TECR: variants seen among roughly 807,000 people sequenced by gnomAD.
The protein encoded by TECR is trans-2,3-enoyl-CoA reductase, also known as very-long-chain enoyl-CoA reductase.
TECR carries 19 observed loss-of-function variants against 50.6 expected under a neutral mutation model. The ratio of observed to expected loss-of-function variants is 0.38; its 90% confidence interval spans 0.26 to 0.55. The LOEUF (loss-of-function observed/expected upper bound fraction) is 0.55, where lower values mean the gene tolerates loss of function less well. Among genes scored for constraint, TECR ranks in the 20% least tolerant of loss-of-function variants. TECR has a pLI of 0.79. For missense variants in TECR, 313 were observed against 408.3 expected (o/e 0.77, Z 2.01); for synonymous variants, 168 against 163.5 (o/e 1.03, Z -0.21).
chr19:14,548,337 C>G (rs148674874), intron 1 of TECR, among the ~76,000 whole-genome samples: 7 of 152,258 alleles, frequency 4.6e-5, no homozygotes, highest in African/African-American at 9.6e-5. Flanking sequence ...TTCCCCACCC[C>G]CTTGGTGGCA....
At chr19:14,551,917 C>T (rs1467543491) in intron 1 of TECR, among the ~76,000 whole-genome samples, 1 of 127,272 alleles carries the variant, frequency 7.9e-6, no homozygotes, top group African/African-American at 2.9e-5. Flanking sequence ...CTCTCCCCCT[C>T]CCTCCCTCCC....
intron 1 of TECR, among the ~76,000 whole-genome samples, chr19:14,557,330 G>A (rs953168026): frequency 1.3e-5 from 2 of 150,666 alleles, no homozygotes; most frequent in African/African-American, 2.4e-5. Flanking sequence ...TATTAGAGAC[G>A]GGGTTTCACC....
chr19:14,542,353 T>TTTTTTTTTG (rs1176734322), intron 1 of TECR, among the ~76,000 whole-genome samples: 1 of 77,896 alleles, frequency 1.3e-5, no homozygotes, highest in Non-Finnish European at 2.7e-5. Flanking sequence ...TAGTGTTTTT[T>TTTTTTTTTG]TTTTTTTTTT....
At position 14,548,735 on chromosome 19, in the gene TECR, G is replaced by A. The variant is rs57355074; in HGVS notation, c.16-13790G>A. On this transcript the variant is annotated intron_variant, in intron 1 of 12. Coordinates refer to ENST00000215567, the MANE Select transcript of TECR (RefSeq NM_138501.6). The stretch of plus-strand genomic sequence containing the variant: ...TGGGATTACAGGCACGCATCACCAC[G>A]TCTGGCTAATTTTTGTATTTTGGTA... Among the ~76,000 whole-genome samples the A allele has an allele frequency of 2.3e-3, 344 of 152,154 alleles. 1 individual carries two copies. Among genetic ancestry groups the A allele is most frequent in the African/African-American group, 4.6e-3 (190 of 41,556 alleles).
chr19:14,558,948 C>T (rs2073825307), intron 1 of TECR, among the ~76,000 whole-genome samples: 1 of 152,212 alleles, frequency 6.6e-6, no homozygotes, highest in Non-Finnish European at 1.5e-5. Flanking sequence ...CCCCTGGGAG[C>T]CCCTGCCCCC....
chr19:14,562,340 CTGGGGCTGCTGG>C (rs1256377848), intron 1 of TECR, 173 bp from the exon 2 acceptor site: 62 of 684,700 alleles, frequency 9.1e-5, no homozygotes, highest in Non-Finnish European at 1.4e-4. Flanking sequence ...CGGCCGGCAG[CTGGGGCTGCTGG>C]CCACCGTGGG....
chr19:14,563,424 G>T lies in TECR; in HGVS notation c.118+167G>T, dbSNP rs917818570. ...GGCAGGCGCCTCCACGTGGCACTCC[G>T]CAGGAACGCCCTTGCTAGGCTCTGG... On this transcript the variant is annotated intron_variant, in intron 3 of 12. Coordinates refer to ENST00000215567, the MANE Select transcript of TECR (RefSeq NM_138501.6). The surrounding 1 kb of genome is among the most constrained non-coding windows in gnomAD (Gnocchi z 5.3). 13 of 815,338 alleles carry T rather than the reference G, an allele frequency of 1.6e-5. No homozygotes were observed. The East Asian group carries it at 3.5e-4, about 22-fold the overall frequency. The allele number at this position is 815,338 out of a possible 1,614,324, so 50.5% of individuals were successfully genotyped here. A position where few individuals can be genotyped will look rare whatever the true frequency, so the allele number is the denominator to read the frequency against.
intron 7 of TECR, 50 bp from the exon 8 acceptor site, chr19:14,564,736 G>A (rs760024942): frequency 5.0e-5 from 78 of 1,560,700 alleles, no homozygotes; most frequent in Non-Finnish European, 6.3e-5. Context: ...GGCAGCATCT[G>A]CCTTGTCCGG....
intron 1 of TECR, among the ~76,000 whole-genome samples, chr19:14,535,547 T>A (rs1335191643): frequency 2.4e-3 from 14 of 5,788 alleles, no homozygotes; most frequent in South Asian, 9.3e-3. Context: ...AAAAAAAATA[T>A]ATATATATAT....
rs771993383 is a variant in TECR, at chr19:14,565,918, G to A, written c.*47G>A. The A allele has an allele frequency of 1.3e-6, 2 of 1,549,012 alleles. No homozygotes were observed. The highest frequency in any genetic ancestry group is 1.4e-5 in the African/African-American group (1 of 73,416). On this transcript the variant is annotated 3_prime_UTR_variant, in exon 13 of 13. Transcript: ENST00000215567. ...CAGCCCCTCAACCCGGTGGCATTCTGGGGGAGGAGTGGGGCCCACAGCTCT... is the reference window on the plus strand; with the variant it reads ...CAGCCCCTCAACCCGGTGGCATTCTAGGGGAGGAGTGGGGCCCACAGCTCT...
At chr19:14,552,659 C>G (rs930589357) in intron 1 of TECR, among the ~76,000 whole-genome samples, 2 of 151,926 alleles carry the variant, frequency 1.3e-5, no homozygotes, top group Admixed American at 1.3e-4. Context: ...CTCAGCCTCC[C>G]GAGTAGCTGG....
At chr19:14,541,353 C>G (rs1170604799) in intron 1 of TECR, among the ~76,000 whole-genome samples, 1 of 152,206 alleles carries the variant, frequency 6.6e-6, no homozygotes, top group Non-Finnish European at 1.5e-5. Flanking sequence ...TCCCCATCAT[C>G]TCAACCCTCC....
At chr19:14,535,549 T>A (rs1215358467) in intron 1 of TECR, among the ~76,000 whole-genome samples, 5 of 6,530 alleles carry the variant, frequency 7.7e-4, no homozygotes, top group South Asian at 7.2e-3. Context: ...AAAAAATATA[T>A]ATATATATAT....
intron 1 of TECR, among the ~76,000 whole-genome samples, chr19:14,551,056 T>C (rs1181505152): frequency 6.6e-6 from 1 of 151,964 alleles, no homozygotes; most frequent in African/African-American, 2.4e-5. Context: ...TCCTTAATTA[T>C]ATCTGCAAAG....
chr19:14,562,091 C>T (rs373196721), intron 1 of TECR: 123 of 456,922 alleles, frequency 2.7e-4, no homozygotes, highest in African/African-American at 2.0e-3. Flanking sequence ...CCTGGCTCCC[C>T]GGGGAGACTC....
intron 1 of TECR, among the ~76,000 whole-genome samples, chr19:14,558,439 C>T (rs1351168021): frequency 6.6e-6 from 1 of 152,178 alleles, no homozygotes; most frequent in Non-Finnish European, 1.5e-5. Flanking sequence ...CACGCCGCAC[C>T]GTGTGTCCTG....
chr19:14,564,077 C>CT lies in TECR; in HGVS notation c.363_364insT (p.Ser122Ter). 1 of 1,613,084 alleles carries CT rather than the reference C, an allele frequency of 6.2e-7. No homozygotes were observed. Among genetic ancestry groups the CT allele is most frequent in the Non-Finnish European group, 8.5e-7 (1 of 1,179,962 alleles). On this transcript the variant is annotated frameshift_variant, in exon 6 of 13. Coordinates refer to ENST00000215567, the MANE Select transcript of TECR (RefSeq NM_138501.6). LOFTEE classifies it high-confidence loss of function. ...ATGGCCACAAATATGACTTTACGTC[C>CT]AGTCGGCATACAGTGGTGCAGTAAG...
At chr19:14,565,420 A>G (rs2074048218) in intron 11 of TECR, 130 bp downstream of exon 11, 1 of 1,375,774 alleles carries the variant, frequency 7.3e-7, no homozygotes, top group East Asian at 2.5e-5. Context: ...GGAGGTGGAG[A>G]CCGCGGCCTC....
Position 14,563,945 on chromosome 19 carries a change from A to G in TECR, c.268-37A>G. The G allele has an allele frequency of 6.2e-7, 1 of 1,614,016 alleles. No individual in the cohort carries two copies. The highest frequency in any genetic ancestry group is 8.5e-7 in the Non-Finnish European group (1 of 1,179,904). On this transcript the variant is annotated intron_variant, in intron 5 of 12. Transcript: ENST00000215567. This position sits in a 1 kb window ranked among gnomAD's most constrained non-coding sequence, Gnocchi z 5.3. ...CCCACGGCCTCTTTTCCCGTCAGCC[A>G]CGTTGGGTGACTCATCTTGCCCCCC...
Sources: allele counts gnomAD v4.1 joint callset (sites outside exome capture counted in the v4.1 genomes callset), GRCh38; gene constraint gnomAD v4.1.1; non-coding constraint Gnocchi (gnomAD v3.1); transcripts MANE v1.5; gene names NCBI Gene and HGNC (gene_info 2026-07-23, HGNC 2026-07-21).